ITGA6: variants seen among roughly 807,000 people sequenced by gnomAD.
ITGA6 encodes the protein integrin subunit alpha 6, also known as integrin alpha-6.
A neutral mutation model predicts 133.6 loss-of-function variants in ITGA6; 63 were observed. The ratio of observed to expected loss-of-function variants is 0.47; its 90% CI spans 0.38 to 0.58. ITGA6 has a LOEUF of 0.58. Among genes scored for constraint, ITGA6 ranks in the 20% least tolerant of loss-of-function variants. The pLI, the probability that ITGA6 is intolerant of heterozygous loss-of-function variation, is 0.00. For missense variants in ITGA6, 1,068 were observed against 1,309.4 expected (o/e 0.82, Z 2.85); for synonymous variants, 434 against 482.0 (o/e 0.90, Z 1.30).
At chr2:172,497,554 T>C (rs948991839) in intron 23 of ITGA6, among the ~76,000 whole-genome samples, 3 of 151,522 alleles carry the variant, frequency 2.0e-5, no homozygotes, top group African/African-American at 7.3e-5. Context: ...CCAGGTTAGA[T>C]AGATAGAACA....
At chr2:172,461,543 C>G (rs560282919) in intron 1 of ITGA6, among the ~76,000 whole-genome samples, 1 of 152,180 alleles carries the variant, frequency 6.6e-6, no homozygotes, top group African/African-American at 2.4e-5. Context: ...CTCTGAAGGT[C>G]GAGTTGTCAC....
At chr2:172,442,185 C>A (rs899831549) in intron 1 of ITGA6, among the ~76,000 whole-genome samples, 14 of 152,228 alleles carry the variant, frequency 9.2e-5, no homozygotes, top group African/African-American at 2.9e-4. Context: ...CCACACCCCT[C>A]ATTCATTGCT....
Position 172,491,054 on chromosome 2 carries a change from A to T in ITGA6, c.2710A>T (p.Ile904Phe), listed in dbSNP as rs755062022. The change falls in exon 21 of 26, where the codon ATT (isoleucine) becomes TTT (phenylalanine). Residue 904 changes from isoleucine (I) to phenylalanine (F), a missense_variant. Coordinates refer to ENST00000684293, the MANE Select transcript of ITGA6 (RefSeq NM_000210.4). This position sits in a 1 kb window ranked among gnomAD's most constrained non-coding sequence, Gnocchi z 4.4. ...TCACAACTCAAGAAAGAAACGGGAA[A>T]TTACTGAAAAACAGATAGATGATAA... is the stretch of plus-strand genomic sequence containing the variant. ...ESHNSRKKRE[I>F]TEKQIDDNRK... 1 of 1,587,250 alleles carries T rather than the reference A, an allele frequency of 6.3e-7. No individual in the cohort carries two copies. The highest frequency in any genetic ancestry group is 8.7e-7 in the Non-Finnish European group (1 of 1,156,020).
intron 1 of ITGA6, among the ~76,000 whole-genome samples, chr2:172,431,554 C>G (rs988085976): frequency 1.3e-5 from 2 of 152,178 alleles, no homozygotes; most frequent in African/African-American, 4.8e-5. Flanking sequence ...ACCCCATTCC[C>G]TTCTGAAAAA....
chr2:172,427,721 C>A lies in ITGA6; in HGVS notation c.-68C>A. 1 of 1,464,410 alleles carries A rather than the reference C, an allele frequency of 6.8e-7. No homozygotes were observed. The highest frequency in any genetic ancestry group is 9.0e-7 in the Non-Finnish European group (1 of 1,108,210). 90.7% of individuals were successfully genotyped at this position (1,464,410 alleles called of 1,614,324 possible). On this transcript the variant is annotated 5_prime_UTR_variant, in exon 1 of 26. Transcript: ENST00000684293. Reference sequence around the variant, plus strand: ...GGCTGCGGTAGCAGCAGCGCGGCAGCCTCGGACCCAGCCCGGAGCGCAGGG... The same window carrying A: ...GGCTGCGGTAGCAGCAGCGCGGCAGACTCGGACCCAGCCCGGAGCGCAGGG...
At chr2:172,438,213 T>C (rs1347791439) in intron 1 of ITGA6, among the ~76,000 whole-genome samples, 1 of 151,604 alleles carries the variant, frequency 6.6e-6, no homozygotes, top group South Asian at 2.1e-4. Context: ...GAAAAGTTAA[T>C]GCAAGAGAGG....
At position 172,491,224 on chromosome 2, in the gene ITGA6, T is replaced by C. The variant is rs756745084; in HGVS notation, c.2782T>C (p.Cys928Arg). The change falls in exon 22 of 26, where the codon TGT becomes CGT. Residue 928 changes from cysteine (C) to arginine (R), a missense_variant. Cys to Arg is a radical substitution (Grantham distance 180). This residue lies in a region of ITGA6 where 609 missense variants were observed against 707.2 expected (regional missense o/e 0.86). Transcript: ENST00000684293. This position sits in a 1 kb window ranked among gnomAD's most constrained non-coding sequence, Gnocchi z 4.4. ...FAERKYQTLN[C>R]SVNVNCVNIR... Reference sequence around the variant, plus strand: ...CCATTCTTCTTTTTCTCTCTAGAACTGTAGCGTGAACGTGAACTGTGTGAA... The same window carrying C: ...CCATTCTTCTTTTTCTCTCTAGAACCGTAGCGTGAACGTGAACTGTGTGAA... 1.2e-5 allele frequency: 19 copies of C among 1,600,556 alleles called. No homozygotes were observed. The highest frequency in any genetic ancestry group is 1.6e-5 in the Non-Finnish European group (19 of 1,167,782).
chr2:172,441,888 C>T (rs1011304950), intron 1 of ITGA6, among the ~76,000 whole-genome samples: 2 of 152,110 alleles, frequency 1.3e-5, no homozygotes, highest in Admixed American at 6.5e-5. Flanking sequence ...CCACTAGAAC[C>T]CCATCCCGCC....
chr2:172,473,209 A>G (rs1686022361), intron 5 of ITGA6, among the ~76,000 whole-genome samples: 1 of 152,216 alleles, frequency 6.6e-6, no homozygotes, highest in South Asian at 2.1e-4. Flanking sequence ...TCACCTTTCT[A>G]TAGAAACATT....
intron 23 of ITGA6, among the ~76,000 whole-genome samples, chr2:172,496,872 C>T (rs1687148427): frequency 6.6e-6 from 1 of 152,180 alleles, no homozygotes; most frequent in South Asian, 2.1e-4. Flanking sequence ...TGAGTAAACA[C>T]CATTTCTATT....
At position 172,491,517 on chromosome 2, in the gene ITGA6, C is replaced by A; in HGVS notation, c.2982C>A (p.Gly994=). The change falls in exon 23 of 26, where the codon GGC becomes GGA. Residue 994 remains glycine (G), a synonymous_variant. Coordinates refer to ENST00000684293, the MANE Select transcript of ITGA6 (RefSeq NM_000210.4). The surrounding 1 kb of genome is among the most constrained non-coding windows in gnomAD (Gnocchi z 4.4). The part of the protein sequence containing the change: ...AAENIRLPNA[G]TQVRVTVFPS... ...AAAATATCAGGCTGCCAAATGCAGG[C>A]ACTCAGGTGAGAGGTTCCCCAGCTT... 1 of 1,608,622 alleles carries A rather than the reference C, an allele frequency of 6.2e-7. No individual in the cohort carries two copies. The highest frequency in any genetic ancestry group is 8.5e-7 in the Non-Finnish European group (1 of 1,175,520).
rs998695414 is a variant in ITGA6 at position 172,465,313 on chromosome 2, C to T, written c.183-226C>T. ...TACTATGAGAGACAGGCCTATTTTC[C>T]TCGTTTTGGTATCCCCTCTTTGGCT... On this transcript the variant is annotated intron_variant, in intron 1 of 25. Transcript: ENST00000684293. The T allele has an allele frequency of 7.6e-5, 46 of 602,346 alleles. 1 individual carries two copies. Among genetic ancestry groups the T allele is most frequent in the African/African-American group, 6.3e-4 (34 of 53,958 alleles). The allele number at this position is 602,346 out of a possible 1,614,324, so 37.3% of individuals were successfully genotyped here.
chr2:172,467,061 G>A (rs1280144619), intron 2 of ITGA6, among the ~76,000 whole-genome samples: 3 of 152,140 alleles, frequency 2.0e-5, no homozygotes, highest in Non-Finnish European at 1.5e-5. Flanking sequence ...AAAAATTGGG[G>A]AGTATATAGA....
upstream of ITGA6, chr2:172,427,477 T>C (rs887055673): frequency 4.8e-6 from 5 of 1,035,624 alleles, no homozygotes; most frequent in African/African-American, 8.2e-5. Context: ...GCGGGTAAGG[T>C]GCGGGCGGTG....
chr2:172,436,534 A>G (rs1684327656), intron 1 of ITGA6, among the ~76,000 whole-genome samples: 1 of 152,222 alleles, frequency 6.6e-6, no homozygotes, highest in African/African-American at 2.4e-5. Context: ...CCATGCCAGA[A>G]GCCAGCTGAG....
At chr2:172,466,908 G>A (rs186907996) in intron 2 of ITGA6, among the ~76,000 whole-genome samples, 1 of 152,290 alleles carries the variant, frequency 6.6e-6, no homozygotes, top group Non-Finnish European at 1.5e-5. Context: ...GCACCTGGTG[G>A]TGTTTGTGGT....
chr2:172,454,603 G>C lies in ITGA6; in HGVS notation c.183-10936G>C, dbSNP rs1030845067. ...TGAGCACAACTGAATGTGAATAAGA[G>C]GCTGTTTGGATTTCCTGCTGTGGAT... is the stretch of plus-strand genomic sequence containing the variant. On this transcript the variant is annotated intron_variant, in intron 1 of 25. Coordinates refer to ENST00000684293, the MANE Select transcript of ITGA6 (RefSeq NM_000210.4). Among the ~76,000 whole-genome samples, 12 of 152,304 alleles carry C rather than the reference G, an allele frequency of 7.9e-5. 1 individual carries two copies. Among genetic ancestry groups the C allele is most frequent in the Admixed American group, 7.2e-4 (11 of 15,304 alleles).
At chr2:172,473,241 A>T (rs983405579) in intron 5 of ITGA6, among the ~76,000 whole-genome samples, 5 of 152,222 alleles carry the variant, frequency 3.3e-5, no homozygotes, top group African/African-American at 1.2e-4. Context: ...AATGGTTTTG[A>T]TATGGGCACT....
chr2:172,433,446 C>G (rs1466988781), intron 1 of ITGA6, among the ~76,000 whole-genome samples: 3 of 152,186 alleles, frequency 2.0e-5, no homozygotes, highest in Non-Finnish European at 4.4e-5. Flanking sequence ...GGATCAAACC[C>G]TTTTCTGCCA....
Sources: allele counts gnomAD v4.1 joint callset (sites outside exome capture counted in the v4.1 genomes callset), GRCh38; gene constraint gnomAD v4.1.1; regional missense constraint gnomAD v4.1.1; non-coding constraint Gnocchi (gnomAD v3.1); transcripts MANE v1.5; gene names NCBI Gene and HGNC (gene_info 2026-07-23, HGNC 2026-07-21).